CROT: variants seen among roughly 807,000 people sequenced by gnomAD.
CROT encodes the protein peroxisomal carnitine O-octanoyltransferase.
A neutral mutation model predicts 89.2 loss-of-function variants in CROT; 84 were observed. That is an observed-to-expected ratio of 0.94 (90% confidence interval 0.79 to 1.13). The LOEUF is 1.13. CROT is among the 50% of genes most tolerant of loss of function. CROT has a pLI of 0.00. For missense variants in CROT, 711 were observed against 727.8 expected (o/e 0.98, Z 0.27); for synonymous variants, 212 against 239.5 (o/e 0.89, Z 1.06).
At chr7:87,363,143 A>T (rs1021062015) in intron 6 of CROT, among the ~76,000 whole-genome samples, 5 of 152,224 alleles carry the variant, frequency 3.3e-5, no homozygotes, top group Admixed American at 6.5e-5. Context: ...CTTAGTAGGT[A>T]TATCCTTAGA....
rs550974621 is a variant in CROT, at chr7:87,372,950, G to A, written c.657-2682G>A. Among the ~76,000 whole-genome samples the A allele has an allele frequency of 2.6e-5, 4 of 152,132 alleles. No homozygotes were observed. In the East Asian group the frequency reaches 5.8e-4, roughly 22 times the overall value. ...ATGCTGCCGTGACTATTGTATACAG[G>A]TTTTCATGTAAACATATGTTTTCAT... is the stretch of plus-strand genomic sequence containing the variant. On this transcript the variant is annotated intron_variant, in intron 7 of 17. Transcript: ENST00000331536.
intron 6 of CROT, among the ~76,000 whole-genome samples, chr7:87,367,107 T>G (rs802053): frequency 0.022 from 3,363 of 152,312 alleles, 133 homozygotes; most frequent in African/African-American, 0.076. Flanking sequence ...GTTAATATGT[T>G]AGGTTACATG....
rs770491794 is a variant in CROT at position 87,382,041 on chromosome 7, G to T, written c.1063-33G>T. On this transcript the variant is annotated intron_variant, in intron 11 of 17. Transcript: ENST00000331536. ...TCTTTTTTCTCCTAATAGTTCTATA[G>T]ATAAAATATTTTTAAGTCTTCCCTA... The T allele has an allele frequency of 3.2e-6, 5 of 1,574,522 alleles. No homozygotes were observed. In the East Asian group the frequency reaches 1.1e-4, roughly 35 times the overall value.
At chr7:87,365,583 G>A (rs1435695277) in intron 6 of CROT, among the ~76,000 whole-genome samples, 1 of 150,914 alleles carries the variant, frequency 6.6e-6, no homozygotes, top group African/African-American at 2.4e-5. Context: ...TCTCAATAAG[G>A]AGGCTATAAT....
At chr7:87,362,547 C>T (rs1806316310) in intron 6 of CROT, among the ~76,000 whole-genome samples, 1 of 152,136 alleles carries the variant, frequency 6.6e-6, no homozygotes, top group Admixed American at 6.5e-5. Context: ...CTGTCCGCCT[C>T]AGCCTCCAGA....
intron 6 of CROT, among the ~76,000 whole-genome samples, chr7:87,365,517 A>G (rs1806411764): frequency 6.6e-6 from 1 of 151,582 alleles, no homozygotes; most frequent in Admixed American, 6.6e-5. Flanking sequence ...GGGAGAGAAA[A>G]TTGAAAAAAT....
intron 14 of CROT, 143 bp downstream of exon 14, chr7:87,391,855 C>A: frequency 1.2e-6 from 1 of 805,540 alleles, no homozygotes; most frequent in South Asian, 1.8e-5. Context: ...GTTTTTAAAG[C>A]ATTTGTTCAT....
chr7:87,386,563 C>A (rs1807189328), intron 13 of CROT, among the ~76,000 whole-genome samples: 1 of 151,950 alleles, frequency 6.6e-6, no homozygotes, highest in Admixed American at 6.6e-5. Context: ...CTTATTCTAC[C>A]TACAGATTTG....
rs576921227 is a variant in CROT at position 87,395,184 on chromosome 7, G to A, written c.1718+2117G>A. ...CAGTTTGAGTCCCACAGCTGAAGAAGTTAGAGTCCAACGTTCAAGGCCAGG... is the reference window on the plus strand; with the variant it reads ...CAGTTTGAGTCCCACAGCTGAAGAAATTAGAGTCCAACGTTCAAGGCCAGG... On this transcript the variant is annotated intron_variant, in intron 17 of 17. Coordinates refer to ENST00000331536, the MANE Select transcript of CROT (RefSeq NM_021151.4). Among the ~76,000 whole-genome samples, 51 of 152,310 alleles carry A rather than the reference G, an allele frequency of 3.3e-4. 1 individual carries two copies. Among genetic ancestry groups the A allele is most frequent in the African/African-American group, 1.2e-3 (48 of 41,570 alleles).
chr7:87,384,211 G>T (rs1214029161), intron 13 of CROT, among the ~76,000 whole-genome samples: 1 of 152,078 alleles, frequency 6.6e-6, no homozygotes, highest in Non-Finnish European at 1.5e-5. Flanking sequence ...TTGGCTGTTT[G>T]TATGTCTTCT....
chr7:87,367,028 T>C (rs1476248305), intron 6 of CROT, among the ~76,000 whole-genome samples: 7 of 152,202 alleles, frequency 4.6e-5, no homozygotes, highest in Admixed American at 2.0e-4. Context: ...ATCATGACAT[T>C]TACCAGCCTT....
Position 87,361,865 on chromosome 7 carries a change from G to A in CROT, c.547+13G>A, listed in dbSNP as rs772802299. 1.3e-5 allele frequency: 20 copies of A among 1,564,394 alleles called. 1 individual carries two copies. In the Admixed American group the frequency reaches 3.9e-4, roughly 31 times the overall value. On this transcript the variant is annotated intron_variant, in intron 6 of 17. Coordinates refer to ENST00000331536, the MANE Select transcript of CROT (RefSeq NM_021151.4). ...TATTTTAGGACTGGTAAGTAAAAATGCAGATATCGTTTTTAGTAAAGGCAC... is the reference window on the plus strand; with the variant it reads ...TATTTTAGGACTGGTAAGTAAAAATACAGATATCGTTTTTAGTAAAGGCAC...
intron 1 of CROT, among the ~76,000 whole-genome samples, chr7:87,345,995 C>T (rs1805654630): frequency 6.6e-6 from 1 of 152,122 alleles, no homozygotes; most frequent in African/African-American, 2.4e-5. Flanking sequence ...CAGAGTTGCT[C>T]TTGGGTTGGT....
chr7:87,375,075 T>C (rs1806765755), intron 7 of CROT, among the ~76,000 whole-genome samples: 1 of 152,032 alleles, frequency 6.6e-6, no homozygotes, highest in African/African-American at 2.4e-5. Context: ...AGTTTATCCT[T>C]AGCTAATAGA....
chr7:87,396,072 C>G (rs1278083999), intron 17 of CROT, among the ~76,000 whole-genome samples: 3 of 152,042 alleles, frequency 2.0e-5, no homozygotes, highest in Non-Finnish European at 4.4e-5. Context: ...CAGAGCCAGT[C>G]TAGGAAATCA....
chr7:87,371,695 A>C (rs1351683790), intron 7 of CROT, among the ~76,000 whole-genome samples: 1 of 152,140 alleles, frequency 6.6e-6, no homozygotes, highest in Non-Finnish European at 1.5e-5. Context: ...TAAACTTAAA[A>C]CATATCTGGT....
intron 3 of CROT, among the ~76,000 whole-genome samples, chr7:87,353,401 C>T (rs1805941645): frequency 6.6e-6 from 1 of 152,070 alleles, no homozygotes; most frequent in African/African-American, 2.4e-5. Context: ...CGCCTGCCTC[C>T]AGTTCCCAAC....
At chr7:87,353,173 G>A (rs556374922) in intron 3 of CROT, among the ~76,000 whole-genome samples, 5 of 151,410 alleles carry the variant, frequency 3.3e-5, no homozygotes, top group African/African-American at 1.2e-4. Context: ...TTTGAAACAT[G>A]GTCTCGTTCC....
At chr7:87,383,535 G>A (rs1190970032) in intron 13 of CROT, among the ~76,000 whole-genome samples, 4 of 145,516 alleles carry the variant, frequency 2.7e-5, no homozygotes, top group East Asian at 4.0e-4. Flanking sequence ...TTGCTCTGTC[G>A]CCCAGGTTGG....
Sources: gnomAD v4.1 joint callset for allele counts (sites outside exome capture counted in the v4.1 genomes callset) on GRCh38, gnomAD v4.1.1 for gene constraint, MANE v1.5 for transcripts, NCBI Gene and HGNC (gene_info 2026-07-23, HGNC 2026-07-21) for gene names.